Variants in GRIK3 observed in about 807,000 individuals in gnomAD.
GRIK3 encodes glutamate ionotropic receptor kainate type subunit 3, also known as glutamate receptor ionotropic, kainate 3.
Under a neutral mutation model 102.5 loss-of-function variants are expected in GRIK3, and 29 were observed. The observed-to-expected ratio is 0.28, with a 90% CI of 0.21 to 0.39. GRIK3 has a LOEUF of 0.39. Among genes scored for constraint, GRIK3 ranks in the 10% least tolerant of loss-of-function variants. The pLI is 1.00. For synonymous variants in GRIK3, 511 were observed against 504.9 expected, an observed-to-expected ratio of 1.01 and a Z score of -0.16; for missense variants, 908 against 1,252.4, an observed-to-expected ratio of 0.73 and a Z score of 4.15.
chr1:36,877,759 A>G (rs115745916), intron 3 of GRIK3, among the ~76,000 whole-genome samples: 346 of 151,986 alleles, frequency 2.3e-3, no homozygotes, highest in African/African-American at 7.9e-3. Context: ...TCATTCATCT[A>G]TCCTCTCCTC....
At chr1:36,941,918 C>A (rs1432453611) in intron 1 of GRIK3, among the ~76,000 whole-genome samples, 1 of 152,142 alleles carries the variant, frequency 6.6e-6, no homozygotes. Flanking sequence ...GGTAGCCTAT[C>A]CCCCCCTCAC....
intron 5 of GRIK3, among the ~76,000 whole-genome samples, chr1:36,862,799 ATAAG>A (rs1356037491): frequency 6.6e-6 from 1 of 152,168 alleles, no homozygotes; most frequent in Non-Finnish European, 1.5e-5. Context: ...GTCAAGGAAA[ATAAG>A]TGAGTTTGTA....
At chr1:36,839,572 T>A (rs1640422539) in intron 10 of GRIK3, among the ~76,000 whole-genome samples, 1 of 152,126 alleles carries the variant, frequency 6.6e-6, no homozygotes, top group Non-Finnish European at 1.5e-5. Context: ...TAATAGTAAA[T>A]ACTGACATGG....
chr1:37,027,284 A>T (rs560085071), intron 1 of GRIK3, among the ~76,000 whole-genome samples: 18 of 152,312 alleles, frequency 1.2e-4, no homozygotes, highest in South Asian at 6.2e-4. Flanking sequence ...TATGAGAAAC[A>T]AAAGAAAATC....
Position 36,799,833 on chromosome 1 carries a change from CTATGT to C in GRIK3, c.*2013_*2017del, listed in dbSNP as rs1400263803. 1 of 152,232 alleles carries C rather than the reference CTATGT, an allele frequency of 6.6e-6. No individual in the cohort carries two copies. The allele number at this position is 152,232 out of a possible 1,614,324, so 9.4% of individuals were successfully genotyped here. The stretch of plus-strand genomic sequence containing the variant: ...TTCACCTATTATTGCATGCCCTGGA[CTATGT>C]TATATGTCCAGATCTGTCCTGTGCC... On this transcript the variant is annotated 3_prime_UTR_variant, in exon 16 of 16. Transcript: ENST00000373091.
At chr1:36,829,268 A>G (rs1029746794) in intron 10 of GRIK3, among the ~76,000 whole-genome samples, 3 of 152,236 alleles carry the variant, frequency 2.0e-5, no homozygotes, top group Non-Finnish European at 2.9e-5. Context: ...GAAAGGCCCA[A>G]TCTTGGCAGG....
intron 9 of GRIK3, chr1:36,849,829 G>C (rs1640560203): frequency 6.4e-6 from 1 of 155,952 alleles, no homozygotes; most frequent in African/African-American, 2.4e-5. Flanking sequence ...GTGATTCCAG[G>C]CAGGGGGTGT....
chr1:36,973,053 C>T (rs1479960583), intron 1 of GRIK3, among the ~76,000 whole-genome samples: 3 of 152,174 alleles, frequency 2.0e-5, no homozygotes, highest in African/African-American at 4.8e-5. Flanking sequence ...ATCAGTGACC[C>T]ATGCCAGTCT....
chr1:37,003,150 T>C (rs955408739), intron 1 of GRIK3, among the ~76,000 whole-genome samples: 1 of 152,000 alleles, frequency 6.6e-6, no homozygotes, highest in Non-Finnish European at 1.5e-5. Context: ...ATAGCAACTA[T>C]TGGACATCAT....
At chr1:36,948,137 T>C (rs1641804658) in intron 1 of GRIK3, among the ~76,000 whole-genome samples, 1 of 152,026 alleles carries the variant, frequency 6.6e-6, no homozygotes, top group Admixed American at 6.5e-5. Flanking sequence ...CAACACCTGG[T>C]ATCAAACTGG....
intron 1 of GRIK3, among the ~76,000 whole-genome samples, chr1:36,918,146 G>A (rs572484511): frequency 6.6e-6 from 1 of 152,326 alleles, no homozygotes; most frequent in South Asian, 2.1e-4. Context: ...ACCTTCTGGT[G>A]TTAGTTAGCA....
intron 3 of GRIK3, among the ~76,000 whole-genome samples, chr1:36,874,323 T>C (rs1381707895): frequency 2.0e-5 from 3 of 152,230 alleles, no homozygotes; most frequent in Non-Finnish European, 4.4e-5. Flanking sequence ...CAGACATGTA[T>C]GCTCGTAGCC....
At chr1:36,835,675 A>C (rs1460333360) in intron 10 of GRIK3, among the ~76,000 whole-genome samples, 2 of 152,204 alleles carry the variant, frequency 1.3e-5, no homozygotes, top group Non-Finnish European at 2.9e-5. Context: ...CAATTGATGA[A>C]GGAAGGAATG....
At chr1:36,998,048 GCTGA>G (rs771168300) in intron 1 of GRIK3, among the ~76,000 whole-genome samples, 13 of 152,180 alleles carry the variant, frequency 8.5e-5, no homozygotes, top group East Asian at 3.9e-4. Context: ...AGCAGGCATA[GCTGA>G]CTGACTGACT....
chr1:36,898,120 G>T (rs960890262), intron 1 of GRIK3, among the ~76,000 whole-genome samples: 2 of 152,090 alleles, frequency 1.3e-5, no homozygotes, highest in Non-Finnish European at 2.9e-5. Context: ...GTAACCAGAG[G>T]CTGGGAAGGG....
intron 10 of GRIK3, among the ~76,000 whole-genome samples, chr1:36,835,913 C>A (rs1432863475): frequency 6.6e-6 from 1 of 152,146 alleles, no homozygotes; most frequent in Non-Finnish European, 1.5e-5. Flanking sequence ...CCTCCTGCAC[C>A]CCTCACCTGC....
chr1:36,892,980 G>A (rs904148803), intron 1 of GRIK3, among the ~76,000 whole-genome samples: 1 of 152,028 alleles, frequency 6.6e-6, no homozygotes, highest in Non-Finnish European at 1.5e-5. Flanking sequence ...CAATTATTTG[G>A]AAGAAATTTA....
chr1:36,875,016 G>A (rs1024109260), intron 3 of GRIK3, among the ~76,000 whole-genome samples: 1 of 152,174 alleles, frequency 6.6e-6, no homozygotes, highest in Non-Finnish European at 1.5e-5. Flanking sequence ...GTGAATCATG[G>A]TTGTTGGAAT....
intron 1 of GRIK3, among the ~76,000 whole-genome samples, chr1:36,891,354 G>A (rs1641113621): frequency 6.6e-6 from 1 of 152,158 alleles, no homozygotes; most frequent in Non-Finnish European, 1.5e-5. Flanking sequence ...TATTAATATT[G>A]CTGTGAAAAT....
Sources: allele counts gnomAD v4.1 joint callset (sites outside exome capture counted in the v4.1 genomes callset), GRCh38; gene constraint gnomAD v4.1.1; transcripts MANE v1.5; gene names NCBI Gene and HGNC (gene_info 2026-07-23, HGNC 2026-07-21).